Variants in MARCHF1 observed in about 807,000 individuals in gnomAD.
MARCHF1 encodes the protein E3 ubiquitin-protein ligase MARCHF1.
A neutral mutation model predicts 54.2 loss-of-function variants in MARCHF1; 40 were observed. The observed-to-expected ratio is 0.74, with a 90% CI of 0.57 to 0.96. The LOEUF is 0.96. Ranked by LOEUF, MARCHF1 falls within the 40% of genes least tolerant of loss-of-function variation. MARCHF1 has a pLI of 0.00. For synonymous variants in MARCHF1, 236 were observed against 236.3 expected (o/e 1.00, Z 0.01); for missense variants, 586 against 656.5 (o/e 0.89, Z 1.17).
intron 3 of MARCHF1, among the ~76,000 whole-genome samples, chr4:163,928,411 C>G (rs143140602): frequency 5.7e-4 from 87 of 151,968 alleles, no homozygotes; most frequent in African/African-American, 2.0e-3. Flanking sequence ...GGAAGAAGAG[C>G]TAGGCGTGGT....
chr4:163,808,055 T>C (rs1421016184), intron 4 of MARCHF1, among the ~76,000 whole-genome samples: 5 of 152,236 alleles, frequency 3.3e-5, no homozygotes, highest in African/African-American at 9.6e-5. Flanking sequence ...CATGCACTGC[T>C]ACCTTTCTGT....
rs1730691567 is a variant in MARCHF1, at chr4:164,176,968, CTCTCTCT to C, written c.-322-65313_-322-65307del. On this transcript the variant is annotated intron_variant, in intron 1 of 9. Transcript: ENST00000514618. ...TCTCTCTCTCTCTCTCTCTCTCTCT[CTCTCTCT>C]CTCTCTATATATATATATATATATA... Among the ~76,000 whole-genome samples the C allele has an allele frequency of 3.5e-4, 15 of 43,340 alleles. 2 individuals carry two copies. The highest frequency in any genetic ancestry group is 6.4e-4 in the African/African-American group (6 of 9,428). The allele number at this position is 43,340 out of a possible 152,430, so 28.4% of individuals were successfully genotyped here. A position where few individuals can be genotyped will look rare whatever the true frequency, so the allele number is the denominator to read the frequency against.
chr4:164,253,079 AACTT>A (rs895088708), intron 1 of MARCHF1, among the ~76,000 whole-genome samples: 2 of 152,274 alleles, frequency 1.3e-5, no homozygotes, highest in African/African-American at 4.8e-5. Flanking sequence ...TTAAAAATAA[AACTT>A]AAAAATAATA....
At chr4:163,559,970 G>A (rs1739415503) in intron 8 of MARCHF1, among the ~76,000 whole-genome samples, 1 of 152,034 alleles carries the variant, frequency 6.6e-6, no homozygotes, top group Non-Finnish European at 1.5e-5. Flanking sequence ...TATTTATGTG[G>A]AATATAAGTT....
rs192667404 is a variant in MARCHF1, at chr4:163,994,102, G to A, written c.-247-5393C>T. On this transcript the variant is annotated intron_variant, in intron 2 of 9. Transcript: ENST00000514618. ...CAAAATAGAAAAAACTGTTTCGGAGGGCCAGTATGTATTTCTTCACTTATC... is the reference window on the plus strand; with the variant it reads ...CAAAATAGAAAAAACTGTTTCGGAGAGCCAGTATGTATTTCTTCACTTATC... 2.1e-3 allele frequency among the ~76,000 whole-genome samples: 319 copies of A among 151,996 alleles called. 1 individual carries two copies. Among genetic ancestry groups the A allele is most frequent in the African/African-American group, 7.5e-3 (310 of 41,434 alleles).
At chr4:164,219,272 A>G (rs1336482272) in intron 1 of MARCHF1, among the ~76,000 whole-genome samples, 1 of 152,136 alleles carries the variant, frequency 6.6e-6, no homozygotes, top group African/African-American at 2.4e-5. Flanking sequence ...ATTTTTCAAA[A>G]ACAACAGATT....
intron 1 of MARCHF1, among the ~76,000 whole-genome samples, chr4:164,269,651 T>G (rs891361841): frequency 3.3e-5 from 5 of 152,158 alleles, no homozygotes; most frequent in African/African-American, 1.2e-4. Flanking sequence ...CTTATTTTCT[T>G]GTCTCCAGAA....
chr4:163,568,616 T>G (rs1393746350), intron 8 of MARCHF1, among the ~76,000 whole-genome samples: 1 of 152,176 alleles, frequency 6.6e-6, no homozygotes. Flanking sequence ...CAATGAGTCT[T>G]TGGAGCACGC....
At chr4:164,309,524 T>C (rs1228671381) in intron 1 of MARCHF1, among the ~76,000 whole-genome samples, 1 of 152,168 alleles carries the variant, frequency 6.6e-6, no homozygotes, top group Non-Finnish European at 1.5e-5. Context: ...TGCAAGGCAG[T>C]ATTATTTAGA....
At position 163,597,845 on chromosome 4, in the gene MARCHF1, C is replaced by T. The variant is rs182502625; in HGVS notation, c.1011-11916G>A. On this transcript the variant is annotated intron_variant, in intron 7 of 9. Coordinates refer to ENST00000514618, the MANE Select transcript of MARCHF1 (RefSeq NM_001394959.1). ...AGCAACTTTTGTAGCATTTTGTTTC[C>T]ATAGTAAGCAAAAGACTTCTACATA... 1.3e-3 allele frequency among the ~76,000 whole-genome samples: 204 copies of T among 152,142 alleles called. 2 individuals are homozygous for T. The highest frequency in any genetic ancestry group is 4.7e-3 in the African/African-American group (195 of 41,514).
At chr4:164,056,539 TG>T (rs1487010949) in intron 2 of MARCHF1, among the ~76,000 whole-genome samples, 1 of 152,082 alleles carries the variant, frequency 6.6e-6, no homozygotes, top group Non-Finnish European at 1.5e-5. Flanking sequence ...GGAACATTCA[TG>T]TAAGAGTGTG....
chr4:163,660,086 A>G, intron 5 of MARCHF1, among the ~76,000 whole-genome samples: 1 of 152,106 alleles, frequency 6.6e-6, no homozygotes. Flanking sequence ...TCATTCTACT[A>G]TAAAGACACA....
At chr4:163,695,602 T>C (rs185277073) in intron 5 of MARCHF1, among the ~76,000 whole-genome samples, 251 of 152,312 alleles carry the variant, frequency 1.6e-3, no homozygotes, top group Non-Finnish European at 1.7e-3. Flanking sequence ...AATATCATTT[T>C]GTTAAGCTAG....
intron 1 of MARCHF1, among the ~76,000 whole-genome samples, chr4:164,123,906 C>A (rs1351917175): frequency 6.6e-6 from 1 of 152,028 alleles, no homozygotes; most frequent in Non-Finnish European, 1.5e-5. Flanking sequence ...CAAATGGGGT[C>A]ACATCAAGTT....
intron 1 of MARCHF1, among the ~76,000 whole-genome samples, chr4:164,193,603 T>A (rs1470500662): frequency 6.6e-6 from 1 of 152,180 alleles, no homozygotes; most frequent in African/African-American, 2.4e-5. Flanking sequence ...ATGTGGCTGC[T>A]GGCCGCCTGG....
intron 3 of MARCHF1, among the ~76,000 whole-genome samples, chr4:163,979,084 A>G (rs1752707013): frequency 7.4e-6 from 1 of 135,634 alleles, no homozygotes; most frequent in East Asian, 2.3e-4. Context: ...GCTTAGTTAC[A>G]TATATATACA....
intron 5 of MARCHF1, among the ~76,000 whole-genome samples, chr4:163,623,181 C>T (rs1490706322): frequency 6.6e-6 from 1 of 152,148 alleles, no homozygotes; most frequent in East Asian, 1.9e-4. Flanking sequence ...CAGACTGAAG[C>T]ACTAGGATCA....
intron 1 of MARCHF1, among the ~76,000 whole-genome samples, chr4:164,366,626 AT>A (rs1233262411): frequency 6.6e-6 from 1 of 151,892 alleles, no homozygotes; most frequent in Non-Finnish European, 1.5e-5. Flanking sequence ...TAAAGGAAAA[AT>A]ATCAGCATAA....
chr4:163,921,014 T>C (rs1479726027), intron 3 of MARCHF1, among the ~76,000 whole-genome samples: 3 of 152,152 alleles, frequency 2.0e-5, no homozygotes, highest in African/African-American at 7.2e-5. Flanking sequence ...TGGAAAAACG[T>C]ACAATTTGAG....
Sources: gnomAD v4.1 joint callset for allele counts (sites outside exome capture counted in the v4.1 genomes callset) on GRCh38, gnomAD v4.1.1 for gene constraint, MANE v1.5 for transcripts, NCBI Gene and HGNC (gene_info 2026-07-23, HGNC 2026-07-21) for gene names.